The following NRL variants were observed in gnomAD, a reference collection of about 807,000 sequenced individuals.
The protein encoded by NRL is neural retina-specific leucine zipper protein.
A neutral mutation model predicts 12.5 loss-of-function variants in NRL; 16 were observed. The observed-to-expected ratio is 1.28, with a 90% CI of 0.87 to 1.95. NRL has a LOEUF of 1.95. Ranked by LOEUF, NRL falls within the 30% of genes most tolerant of loss-of-function variation. The pLI, the probability that NRL is intolerant of heterozygous loss-of-function variation, is 0.00. For synonymous variants in NRL, 142 were observed against 150.9 expected (o/e 0.94, Z 0.43); for missense variants, 314 against 325.8 (o/e 0.96, Z 0.28).
At chr14:24,104,982 A>G in intron 1 of NRL, among the ~76,000 whole-genome samples, 1 of 152,246 alleles carries the variant, frequency 6.6e-6, no homozygotes, top group East Asian at 1.9e-4. Context: ...AAACACGCAC[A>G]CAGAAATATA....
chr14:24,110,794 C>A (rs1257574475), intron 1 of NRL, among the ~76,000 whole-genome samples: 1 of 152,204 alleles, frequency 6.6e-6, no homozygotes, highest in African/African-American at 2.4e-5. Context: ...AAGTGCAAGG[C>A]TGTGAGGAAG....
chr14:24,080,704 G>A lies in NRL; in HGVS notation c.*532C>T, dbSNP rs569498952. On this transcript the variant is annotated 3_prime_UTR_variant, in exon 3 of 3. Coordinates refer to ENST00000561028, the MANE Select transcript of NRL (RefSeq NM_001354768.3). Reference sequence around the variant, plus strand: ...GCCTTTGCTGCTCTGAGCCCTGAAGGCCACAGGGTTGGGCAGGGAAAAAGC... The same window carrying A: ...GCCTTTGCTGCTCTGAGCCCTGAAGACCACAGGGTTGGGCAGGGAAAAAGC... 6.6e-6 allele frequency: 1 copy of A among 152,552 alleles called. No homozygotes were observed. Among genetic ancestry groups the A allele is most frequent in the Non-Finnish European group, 1.5e-5 (1 of 68,042 alleles). 9.4% of individuals were successfully genotyped at this position (152,552 alleles called of 1,614,324 possible). A position where few individuals can be genotyped will look rare whatever the true frequency, so the allele number is the denominator to read the frequency against.
At chr14:24,103,002 T>C in intron 1 of NRL, 2 of 1,316,892 alleles carry the variant, frequency 1.5e-6, no homozygotes, top group Non-Finnish European at 1.1e-6. Flanking sequence ...TTCTCCAGAG[T>C]TCTCCCCTGG....
Position 24,094,420 on chromosome 14 carries a change from C to T in NRL, c.-27-11545G>A. On this transcript the variant is annotated intron_variant, in intron 1 of 2. Transcript: ENST00000561028. This position sits in a 1 kb window ranked among gnomAD's most constrained non-coding sequence, Gnocchi z 4.1. ...GCCCAGGTGCCATGGCCGCATTGTACCGCCCTGGCCTGCGGTGAGTGACCC... is the reference window on the plus strand; with the variant it reads ...GCCCAGGTGCCATGGCCGCATTGTATCGCCCTGGCCTGCGGTGAGTGACCC... The T allele has an allele frequency of 1.3e-6, 2 of 1,558,150 alleles. No homozygotes were observed. Among genetic ancestry groups the T allele is most frequent in the Non-Finnish European group, 1.7e-6 (2 of 1,156,856 alleles).
rs771610707 is a variant in NRL, at chr14:24,082,873, C to T, written c.-25G>A. 1 of 1,602,422 alleles carries T rather than the reference C, an allele frequency of 6.2e-7. No individual in the cohort carries two copies. The highest frequency in any genetic ancestry group is 8.5e-7 in the Non-Finnish European group (1 of 1,173,326). On this transcript the variant is annotated splice_region_variant and 5_prime_UTR_variant, in exon 2 of 3. Coordinates refer to ENST00000561028, the MANE Select transcript of NRL (RefSeq NM_001354768.3). ...TTCTGGAGCTGGGCTGGGAGGAGTGCACCTGCAAAGAGGAGGAGAGGTCTG... is the reference window on the plus strand; with the variant it reads ...TTCTGGAGCTGGGCTGGGAGGAGTGTACCTGCAAAGAGGAGGAGAGGTCTG...
At chr14:24,092,806 A>G (rs2036676446) in intron 1 of NRL, among the ~76,000 whole-genome samples, 1 of 152,254 alleles carries the variant, frequency 6.6e-6, no homozygotes, top group African/African-American at 2.4e-5. Flanking sequence ...AGCTTGAGCA[A>G]GAGAAGAAAT....
In NRL at chr14:24,085,331, G is replaced by C. The variant is rs1287442501; in HGVS notation, c.-27-2456C>G. On this transcript the variant is annotated intron_variant, in intron 1 of 2. Transcript: ENST00000561028. This position sits in a 1 kb window ranked among gnomAD's most constrained non-coding sequence, Gnocchi z 4.1. ...ATTGAAATCTAATCACCACCAGTCCGTCGGAGACACTTTTGTAACTGGCCT... is the reference window on the plus strand; with the variant it reads ...ATTGAAATCTAATCACCACCAGTCCCTCGGAGACACTTTTGTAACTGGCCT... Among the ~76,000 whole-genome samples, 1 of 152,166 alleles carries C rather than the reference G, an allele frequency of 6.6e-6. No individual in the cohort carries two copies. Among genetic ancestry groups the C allele is most frequent in the African/African-American group, 2.4e-5 (1 of 41,436 alleles).
intron 1 of NRL, among the ~76,000 whole-genome samples, chr14:24,104,939 G>C (rs1297954950): frequency 6.6e-6 from 1 of 152,164 alleles, no homozygotes; most frequent in Non-Finnish European, 1.5e-5. Flanking sequence ...CTCTGTCAAG[G>C]AGACCCTAAC....
intron 1 of NRL, among the ~76,000 whole-genome samples, chr14:24,112,355 A>G (rs922078789): frequency 1.3e-5 from 2 of 151,108 alleles, no homozygotes; most frequent in African/African-American, 4.9e-5. Context: ...GCCTCATAAA[A>G]TGAGTTAGGG....
chr14:24,084,312 G>T (rs774506676), intron 1 of NRL, among the ~76,000 whole-genome samples: 2 of 152,230 alleles, frequency 1.3e-5, no homozygotes, highest in Non-Finnish European at 2.9e-5. Context: ...GAGGTATCCA[G>T]AAAGAACTGG....
rs111746269 is a variant in NRL at position 24,079,564 on chromosome 14, C to A, written c.*1672G>T. Among the ~76,000 whole-genome samples the A allele has an allele frequency of 6.8e-6, 1 of 147,584 alleles. No homozygotes were observed. Among genetic ancestry groups the A allele is most frequent in the Non-Finnish European group, 1.5e-5 (1 of 67,410 alleles). On this transcript the variant is annotated 3_prime_UTR_variant, in exon 3 of 3. Coordinates refer to ENST00000561028, the MANE Select transcript of NRL (RefSeq NM_001354768.3). ...AGGACTCCCATTGCAGGCTCCTAAG[C>A]GGAGGAGGGATGAGCTGGGATAGAG... is the stretch of plus-strand genomic sequence containing the variant.
rs1193358544 is a variant in NRL, at chr14:24,085,908, G to A, written c.-27-3033C>T. The stretch of plus-strand genomic sequence containing the variant: ...GGGGCCCAGAAATCTGTGTTTTAAG[G>A]CCCTTCCAGCAAGTCTGACATGCTT... On this transcript the variant is annotated intron_variant, in intron 1 of 2. Coordinates refer to ENST00000561028, the MANE Select transcript of NRL (RefSeq NM_001354768.3). This position sits in a 1 kb window ranked among gnomAD's most constrained non-coding sequence, Gnocchi z 4.1. Among the ~76,000 whole-genome samples, 9 of 152,182 alleles carry A rather than the reference G, an allele frequency of 5.9e-5. No homozygotes were observed. Among genetic ancestry groups the A allele is most frequent in the Non-Finnish European group, 1.3e-4 (9 of 68,024 alleles).
rs1403911017 is a variant in NRL, at chr14:24,114,794, C to T, written c.-100G>A. On this transcript the variant is annotated 5_prime_UTR_variant, in exon 1 of 3. Transcript: ENST00000561028. Reference sequence around the variant, plus strand: ...GGGCCGTCGTGTGACGTTTGCAGCCCGCCGGCCAGGAAGCCGCGAGATGCG... The same window carrying T: ...GGGCCGTCGTGTGACGTTTGCAGCCTGCCGGCCAGGAAGCCGCGAGATGCG... The T allele has an allele frequency of 1.4e-5, 14 of 985,838 alleles. No individual in the cohort carries two copies. The highest frequency in any genetic ancestry group is 1.7e-5 in the Non-Finnish European group (14 of 829,976). 61.1% of individuals were successfully genotyped at this position (985,838 alleles called of 1,614,324 possible). A position where few individuals can be genotyped will look rare whatever the true frequency, so the allele number is the denominator to read the frequency against.
At chr14:24,103,342 A>G in intron 1 of NRL, 2 of 1,220,918 alleles carry the variant, frequency 1.6e-6, no homozygotes, top group South Asian at 2.5e-5. Flanking sequence ...CCTTTTGTCC[A>G]CCCCTGGAGT....
At chr14:24,113,445 C>G (rs2139001176) in intron 1 of NRL, among the ~76,000 whole-genome samples, 1 of 152,174 alleles carries the variant, frequency 6.6e-6, no homozygotes, top group East Asian at 1.9e-4. Flanking sequence ...AAATAAAGAT[C>G]CCGATTTTCC....
At chr14:24,082,941 C>T in intron 1 of NRL, 66 bp from the exon 2 acceptor site, 1 of 1,479,616 alleles carries the variant, frequency 6.8e-7, no homozygotes, top group Non-Finnish European at 9.1e-7. Context: ...CACCAAGTCC[C>T]TCTTCCCTCA....
chr14:24,099,249 TGAGA>T (rs2037049386), intron 1 of NRL: 11 of 1,583,432 alleles, frequency 6.9e-6, no homozygotes, highest in Non-Finnish European at 8.6e-6. Context: ...GAGGGCCTGG[TGAGA>T]AGCAGGGCAG....
chr14:24,095,305 G>A (rs2036819472), intron 1 of NRL: 6 of 450,514 alleles, frequency 1.3e-5, no homozygotes, highest in Non-Finnish European at 2.2e-5. Flanking sequence ...GGGAGAGAGA[G>A]GCTGTCCTCA....
rs141065453 is a variant in NRL at position 24,084,556 on chromosome 14, G to T, written c.-27-1681C>A. On this transcript the variant is annotated intron_variant, in intron 1 of 2. Coordinates refer to ENST00000561028, the MANE Select transcript of NRL (RefSeq NM_001354768.3). ...CCGAGAGGATGTGGTCAGTGCCAGAGCCAGACAGGCACAGCTTCCCAGGAG... is the reference window on the plus strand; with the variant it reads ...CCGAGAGGATGTGGTCAGTGCCAGATCCAGACAGGCACAGCTTCCCAGGAG... 603 of 985,474 alleles carry T rather than the reference G, an allele frequency of 6.1e-4. 1 individual carries two copies. The highest frequency in any genetic ancestry group is 7.1e-4 in the Non-Finnish European group (590 of 829,976). 61.0% of individuals were successfully genotyped at this position (985,474 alleles called of 1,614,324 possible).
Sources: gnomAD v4.1 joint callset for allele counts (sites outside exome capture counted in the v4.1 genomes callset) on GRCh38, gnomAD v4.1.1 for gene constraint, Gnocchi (gnomAD v3.1) non-coding constraint, MANE v1.5 for transcripts, NCBI Gene and HGNC (gene_info 2026-07-23, HGNC 2026-07-21) for gene names.